Variants in SPATA13 observed in about 807,000 individuals in gnomAD.
SPATA13 encodes spermatogenesis-associated protein 13.
In SPATA13, 50 loss-of-function variants were observed where a neutral mutation model predicts 104.0. That is an observed-to-expected ratio of 0.48 (90% CI 0.38 to 0.61). The LOEUF is 0.61. SPATA13 is among the 20% of genes least tolerant of loss of function. The pLI, the probability that SPATA13 is intolerant of heterozygous loss-of-function variation, is 0.00. For missense variants in SPATA13, 1,524 were observed against 1,690.6 expected (o/e 0.90, Z 1.73); for synonymous variants, 606 against 667.5 (o/e 0.91, Z 1.42).
intron 3 of SPATA13, among the ~76,000 whole-genome samples, chr13:24,024,918 A>AATTTT (rs1877138230): frequency 6.7e-6 from 1 of 149,918 alleles, no homozygotes; most frequent in Non-Finnish European, 1.5e-5. Context: ...TTTTAATTTT[A>AATTTT]AAAACATTCA....
intron 3 of SPATA13, among the ~76,000 whole-genome samples, chr13:24,060,547 C>T (rs957225724): frequency 6.6e-6 from 1 of 152,084 alleles, no homozygotes; most frequent in Non-Finnish European, 1.5e-5. Context: ...ACAAAGATGC[C>T]AAAAGCAATT....
At chr13:24,061,195 T>C (rs1878760002) in intron 3 of SPATA13, among the ~76,000 whole-genome samples, 1 of 152,194 alleles carries the variant, frequency 6.6e-6, no homozygotes, top group Admixed American at 6.5e-5. Context: ...CCAGTCAGAA[T>C]GACTGTTACC....
intron 7 of SPATA13, among the ~76,000 whole-genome samples, chr13:24,288,381 C>T (rs1876105779): frequency 6.6e-6 from 1 of 152,202 alleles, no homozygotes; most frequent in African/African-American, 2.4e-5. Flanking sequence ...TACTGAATGT[C>T]ATGATAACTC....
At chr13:24,271,319 T>C (rs2138696643) in intron 4 of SPATA13, among the ~76,000 whole-genome samples, 1 of 152,278 alleles carries the variant, frequency 6.6e-6, no homozygotes, top group South Asian at 2.1e-4. Context: ...TTTTTGCTTC[T>C]ATTACATGAA....
chr13:24,028,176 T>A (rs1877321756), intron 3 of SPATA13, among the ~76,000 whole-genome samples: 2 of 152,234 alleles, frequency 1.3e-5, no homozygotes, highest in African/African-American at 4.8e-5. Flanking sequence ...TATTATTATC[T>A]TCTACTTAGG....
At chr13:24,125,047 C>T (rs907464392) in intron 3 of SPATA13, among the ~76,000 whole-genome samples, 2 of 152,202 alleles carry the variant, frequency 1.3e-5, no homozygotes, top group Non-Finnish European at 2.9e-5. Context: ...GGGCTCTCCC[C>T]GGTATTTCTC....
chr13:24,166,946 A>G (rs558042196), intron 1 of SPATA13, among the ~76,000 whole-genome samples: 2 of 152,352 alleles, frequency 1.3e-5, no homozygotes, highest in South Asian at 2.1e-4. Context: ...GGAGGGACAC[A>G]TACATTCAGA....
chr13:24,063,958 C>T (rs1173284876), intron 3 of SPATA13, among the ~76,000 whole-genome samples: 1 of 152,188 alleles, frequency 6.6e-6, no homozygotes, highest in Non-Finnish European at 1.5e-5. Flanking sequence ...TGAGGGGCTG[C>T]TTCTTCACTG....
chr13:24,190,964 A>G (rs1869699745), intron 1 of SPATA13, among the ~76,000 whole-genome samples: 1 of 152,148 alleles, frequency 6.6e-6, no homozygotes, highest in South Asian at 2.1e-4. Flanking sequence ...CTGTCTTCTC[A>G]TTTTAAGAAA....
At chr13:24,256,456 G>A (rs1270580786) in intron 4 of SPATA13, among the ~76,000 whole-genome samples, 2 of 151,994 alleles carry the variant, frequency 1.3e-5, no homozygotes, top group East Asian at 3.9e-4. Context: ...CATAAATATT[G>A]TACAATTATT....
chr13:24,281,484 C>T (rs148329524), intron 4 of SPATA13, among the ~76,000 whole-genome samples: 13 of 152,300 alleles, frequency 8.5e-5, no homozygotes, highest in Admixed American at 2.6e-4. Context: ...CGGTGTCCGG[C>T]GCACCTGTCT....
At chr13:24,016,954 G>T (rs1039891057) in intron 2 of SPATA13, among the ~76,000 whole-genome samples, 1 of 152,230 alleles carries the variant, frequency 6.6e-6, no homozygotes, top group Non-Finnish European at 1.5e-5. Flanking sequence ...GGATGGTGGA[G>T]CCCATGGAGG....
chr13:24,224,920 C>T (rs1871845352), intron 2 of SPATA13: 1 of 383,926 alleles, frequency 2.6e-6, no homozygotes, highest in South Asian at 2.3e-5. Flanking sequence ...CTCCATGCAG[C>T]TCTGACTCAT....
chr13:24,004,153 TA>T (rs1442886765), intron 2 of SPATA13, among the ~76,000 whole-genome samples: 1 of 152,148 alleles, frequency 6.6e-6, no homozygotes, highest in Non-Finnish European at 1.5e-5. Flanking sequence ...AACACGGCTT[TA>T]AAAAATCTCC....
chr13:24,125,882 G>A (rs1316574706), intron 3 of SPATA13, among the ~76,000 whole-genome samples: 1 of 152,186 alleles, frequency 6.6e-6, no homozygotes, highest in Non-Finnish European at 1.5e-5. Flanking sequence ...AAGACGAATG[G>A]AAGGCAAAAG....
At chr13:24,022,176 G>T (rs765995960) in intron 3 of SPATA13, among the ~76,000 whole-genome samples, 6 of 151,194 alleles carry the variant, frequency 4.0e-5, no homozygotes, top group Non-Finnish European at 7.4e-5. Flanking sequence ...CCGAGTAGCT[G>T]GGACTACAGG....
chr13:24,054,730 C>T (rs961530282), intron 3 of SPATA13, among the ~76,000 whole-genome samples: 2 of 152,178 alleles, frequency 1.3e-5, no homozygotes, highest in Non-Finnish European at 2.9e-5. Context: ...AGGTTTAATA[C>T]TACCTCACAG....
At chr13:24,270,292 G>T (rs1222303500) in intron 4 of SPATA13, among the ~76,000 whole-genome samples, 1 of 152,092 alleles carries the variant, frequency 6.6e-6, no homozygotes, top group Non-Finnish European at 1.5e-5. Context: ...GCCTTTACAT[G>T]TATACCTTTT....
chr13:24,261,243 C>T (rs747073903), intron 4 of SPATA13, among the ~76,000 whole-genome samples: 2 of 152,154 alleles, frequency 1.3e-5, no homozygotes, highest in Non-Finnish European at 2.9e-5. Flanking sequence ...ACCGAGAGGT[C>T]GAGGTAATTG....
Sources: allele counts gnomAD v4.1 joint callset (sites outside exome capture counted in the v4.1 genomes callset), GRCh38; gene constraint gnomAD v4.1.1; transcripts MANE v1.5; gene names NCBI Gene and HGNC (gene_info 2026-07-23, HGNC 2026-07-21).